The following PRIM2 variants were observed in gnomAD, a reference collection of about 807,000 sequenced individuals.
The protein encoded by PRIM2 is DNA primase large subunit.
A neutral mutation model predicts 67.3 loss-of-function variants in PRIM2; 39 were observed. That is an observed-to-expected ratio of 0.58 (90% CI 0.45 to 0.76). PRIM2 has a LOEUF of 0.76. Ranked by LOEUF, PRIM2 falls within the 30% of genes least tolerant of loss-of-function variation. The probability of loss-of-function intolerance (pLI) is 0.00; values close to 1 mark genes in which losing one functional copy is unlikely to be tolerated. For missense variants in PRIM2, 398 were observed against 598.7 expected (o/e 0.66, Z 3.50); for synonymous variants, 143 against 198.7 (o/e 0.72, Z 2.36).
intron 7 of PRIM2, among the ~76,000 whole-genome samples, chr6:57,422,383 C>T (rs577696974): frequency 3.2e-4 from 48 of 151,962 alleles, no homozygotes; most frequent in African/African-American, 1.0e-3. Flanking sequence ...GTGATCCTCC[C>T]GCCTTGGCCT....
chr6:57,330,854 A>G (rs949401323), intron 5 of PRIM2, among the ~76,000 whole-genome samples: 4 of 152,028 alleles, frequency 2.6e-5, no homozygotes, highest in South Asian at 2.1e-4. Flanking sequence ...TCCTGCACCA[A>G]TTGAGATGAT....
chr6:57,228,467 T>G, the PRIM2 span, among the ~76,000 whole-genome samples: 1 of 152,202 alleles, frequency 6.6e-6, no homozygotes, highest in Admixed American at 6.5e-5. Context: ...AAACACCTCA[T>G]GAACACCTAT....
At chr6:57,291,243 A>T in the PRIM2 span, among the ~76,000 whole-genome samples, 1 of 152,210 alleles carries the variant, frequency 6.6e-6, no homozygotes, top group Non-Finnish European at 1.5e-5. Flanking sequence ...TAAACTAGAA[A>T]ATCTAGAAGA....
At chr6:57,448,654 G>A (rs1163594430) in intron 7 of PRIM2, among the ~76,000 whole-genome samples, 9 of 152,042 alleles carry the variant, frequency 5.9e-5, no homozygotes, top group Non-Finnish European at 1.3e-4. Context: ...GTCATAGGTG[G>A]GTTCAGAGAT....
chr6:57,377,515 A>G (rs1290194352), intron 5 of PRIM2, among the ~76,000 whole-genome samples: 2 of 150,458 alleles, frequency 1.3e-5, no homozygotes, highest in Non-Finnish European at 3.0e-5. Flanking sequence ...GCCTGGGGTC[A>G]TTGCTGGTCC....
chr6:57,589,924 C>T (rs2127488064), intron 10 of PRIM2, among the ~76,000 whole-genome samples: 1 of 152,154 alleles, frequency 6.6e-6, no homozygotes, highest in East Asian at 1.9e-4. Context: ...CCACTGGAAA[C>T]AAAGAGCCAG....
chr6:57,240,392 C>A, the PRIM2 span, among the ~76,000 whole-genome samples: 2 of 152,124 alleles, frequency 1.3e-5, no homozygotes, highest in Non-Finnish European at 2.9e-5. Flanking sequence ...TGAGCCACCA[C>A]GCCTGGCCAG....
At chr6:57,350,489 C>G (rs1167728609) in intron 5 of PRIM2, among the ~76,000 whole-genome samples, 1 of 152,146 alleles carries the variant, frequency 6.6e-6, no homozygotes, top group Non-Finnish European at 1.5e-5. Context: ...TGAAATTTAA[C>G]TTGTCAATCT....
the PRIM2 span, among the ~76,000 whole-genome samples, chr6:57,302,286 T>G: frequency 6.6e-6 from 1 of 152,294 alleles, no homozygotes; most frequent in South Asian, 2.1e-4. Context: ...GATAGAGAGA[T>G]AGATAGAGTC....
the PRIM2 span, among the ~76,000 whole-genome samples, chr6:57,303,892 C>G: frequency 6.6e-6 from 1 of 152,262 alleles, no homozygotes; most frequent in African/African-American, 2.4e-5. Flanking sequence ...GCCTAGGCCT[C>G]CCAAAGTGCT....
At chr6:57,262,451 G>A in the PRIM2 span, among the ~76,000 whole-genome samples, 7 of 152,184 alleles carry the variant, frequency 4.6e-5, no homozygotes, top group East Asian at 1.2e-3. Context: ...CTCACCAGTC[G>A]TTCTTTCACA....
At chr6:57,349,956 A>T (rs1421419526) in intron 5 of PRIM2, among the ~76,000 whole-genome samples, 2 of 152,174 alleles carry the variant, frequency 1.3e-5, no homozygotes, top group Non-Finnish European at 2.9e-5. Flanking sequence ...TTAAGAACTT[A>T]TTAGCAAAGC....
intron 5 of PRIM2, among the ~76,000 whole-genome samples, chr6:57,378,459 T>C (rs1397132188): frequency 6.6e-6 from 1 of 152,224 alleles, no homozygotes; most frequent in Admixed American, 6.5e-5. Context: ...GCATAGTTAT[T>C]ATCTGTAAAC....
intron 7 of PRIM2, among the ~76,000 whole-genome samples, chr6:57,446,415 C>CTTTTTTTTTTTTTTTTTTTTTTTTTTT (rs1581912466): frequency 2.3e-5 from 1 of 43,310 alleles, no homozygotes. Context: ...GCACACGCCA[C>CTTTTTTTTTTTTTTTTTTTTTTTTTTT]TTCTTTTTTT....
At chr6:57,221,976 G>A in the PRIM2 span, 1 of 152,336 alleles carries the variant, frequency 6.6e-6, no homozygotes, top group South Asian at 2.1e-4. Context: ...CCTGGAGAGG[G>A]CGAGTGAGTG....
At chr6:57,314,368 T>C (rs1205935608), upstream of PRIM2, among the ~76,000 whole-genome samples, 2 of 151,786 alleles carry the variant, frequency 1.3e-5, no homozygotes, top group African/African-American at 4.8e-5. Context: ...AGCAAAAAAA[T>C]AGCTGGGCAT....
At chr6:57,373,805 G>A (rs1457071106) in intron 5 of PRIM2, among the ~76,000 whole-genome samples, 1 of 152,106 alleles carries the variant, frequency 6.6e-6, no homozygotes, top group Non-Finnish European at 1.5e-5. Context: ...ATTGGTCTAT[G>A]TGCCTGTTTT....
chr6:57,629,907 G>T (rs1274066612), intron 12 of PRIM2, among the ~76,000 whole-genome samples: 7 of 150,614 alleles, frequency 4.6e-5, no homozygotes, highest in African/African-American at 1.7e-4. Context: ...TGGATTTTTT[G>T]GAGTAATGTT....
chr6:57,382,312 T>C, intron 7 of PRIM2, 144 bp downstream of exon 7: 6 of 941,286 alleles, frequency 6.4e-6, no homozygotes, highest in Non-Finnish European at 8.7e-6. Flanking sequence ...GTTGTACTGT[T>C]AATCCCAAAA....
Sources: allele counts gnomAD v4.1 joint callset (sites outside exome capture counted in the v4.1 genomes callset), GRCh38; gene constraint gnomAD v4.1.1; transcripts MANE v1.5; gene names NCBI Gene and HGNC (gene_info 2026-07-23, HGNC 2026-07-21).